FGF2: variants seen among roughly 807,000 people sequenced by gnomAD.
The protein encoded by FGF2 is basic fibroblast growth factor bFGF.
In FGF2, 13 loss-of-function variants were observed where a neutral mutation model predicts 15.9. The observed-to-expected ratio is 0.82, with a 90% CI of 0.53 to 1.30. The LOEUF (loss-of-function observed/expected upper bound fraction) is 1.30. FGF2 is among the 50% of genes most tolerant of loss of function. The pLI is 0.00. For synonymous variants in FGF2, 90 were observed against 78.4 expected, an observed-to-expected ratio of 1.15 and a Z score of -0.78; for missense variants, 163 against 196.9, an observed-to-expected ratio of 0.83 and a Z score of 1.03.
intron 1 of FGF2, among the ~76,000 whole-genome samples, chr4:122,830,277 A>T (rs4146526): frequency 1.3e-5 from 2 of 152,268 alleles, no homozygotes; most frequent in East Asian, 1.9e-4. Flanking sequence ...GATATAAATG[A>T]TGGGGTCCTG....
In FGF2 at chr4:122,833,544, C is replaced by T. The variant is rs546052862; in HGVS notation, c.178+6192C>T. On this transcript the variant is annotated intron_variant, in intron 1 of 2. Transcript: ENST00000644866. ...GGCTGCATTCTGTGAACAGATTATT[C>T]TCTGTTCATAATTTAGGCACCTTAA... 3.9e-5 allele frequency among the ~76,000 whole-genome samples: 6 copies of T among 152,228 alleles called. No homozygotes were observed. In the East Asian group the frequency reaches 1.2e-3, roughly 29 times the overall value.
intron 2 of FGF2, among the ~76,000 whole-genome samples, chr4:122,880,975 A>G (rs903015093): frequency 6.6e-6 from 1 of 152,320 alleles, no homozygotes; most frequent in Non-Finnish European, 1.5e-5. Flanking sequence ...CTAAACCTCA[A>G]TTCTTGACTT....
intron 2 of FGF2, among the ~76,000 whole-genome samples, chr4:122,891,436 T>C (rs1195098567): frequency 6.6e-6 from 1 of 151,750 alleles, no homozygotes; most frequent in East Asian, 1.9e-4. Flanking sequence ...TTTTTTTTTT[T>C]TTTTGATAAA....
upstream of FGF2, chr4:122,826,795 G>GAGATGTAGA (rs749761153): frequency 2.1e-6 from 3 of 1,417,520 alleles, no homozygotes; most frequent in Middle Eastern, 2.3e-4. Flanking sequence ...GTGGGGGGTG[G>GAGATGTAGA]AGATGTAGAA....
intron 1 of FGF2, among the ~76,000 whole-genome samples, chr4:122,873,997 A>T (rs1345288585): frequency 6.6e-6 from 1 of 152,220 alleles, no homozygotes; most frequent in Non-Finnish European, 1.5e-5. Context: ...CTGGCCATAC[A>T]CGAATATCCC....
At chr4:122,846,864 C>G (rs552420044) in intron 1 of FGF2, among the ~76,000 whole-genome samples, 1 of 152,262 alleles carries the variant, frequency 6.6e-6, no homozygotes, top group African/African-American at 2.4e-5. Context: ...AGGATAGCAG[C>G]CAGAAGAAGT....
At chr4:122,891,092 G>A (rs945509299) in intron 2 of FGF2, among the ~76,000 whole-genome samples, 8 of 147,526 alleles carry the variant, frequency 5.4e-5, no homozygotes, top group African/African-American at 2.0e-4. Context: ...CCAGGTTGGA[G>A]TGCAGTGGCG....
At chr4:122,849,355 AAAACC>A (rs1726180158) in intron 1 of FGF2, among the ~76,000 whole-genome samples, 1 of 152,218 alleles carries the variant, frequency 6.6e-6, no homozygotes, top group South Asian at 2.1e-4. Context: ...ACAAGAACAG[AAAACC>A]AAACACCACA....
At chr4:122,848,899 A>G (rs1726170033) in intron 1 of FGF2, among the ~76,000 whole-genome samples, 1 of 152,172 alleles carries the variant, frequency 6.6e-6, no homozygotes, top group Admixed American at 6.5e-5. Context: ...ACTTTTTAGA[A>G]TACATCACTG....
At chr4:122,839,653 G>A (rs1725936838) in intron 1 of FGF2, among the ~76,000 whole-genome samples, 2 of 152,020 alleles carry the variant, frequency 1.3e-5, no homozygotes, top group Admixed American at 1.3e-4. Context: ...CTACTATGTC[G>A]TTTTCCCCAC....
At chr4:122,878,688 A>G (rs1304449403) in intron 2 of FGF2, among the ~76,000 whole-genome samples, 1 of 152,164 alleles carries the variant, frequency 6.6e-6, no homozygotes, top group Non-Finnish European at 1.5e-5. Context: ...ACTGGTGGAG[A>G]GAGATCAGTT....
chr4:122,889,931 A>G (rs1727134382), intron 2 of FGF2: 1 of 152,332 alleles, frequency 6.6e-6, no homozygotes, highest in East Asian at 1.9e-4. Context: ...TAGAACACCA[A>G]CAAATGAACA....
chr4:122,852,178 G>C (rs1210649461), intron 1 of FGF2, among the ~76,000 whole-genome samples: 1 of 152,178 alleles, frequency 6.6e-6, no homozygotes, highest in Non-Finnish European at 1.5e-5. Flanking sequence ...GTTGGCCTGG[G>C]TGCAACTGCA....
intron 1 of FGF2, among the ~76,000 whole-genome samples, chr4:122,866,966 A>G (rs1418775765): frequency 2.0e-5 from 3 of 152,242 alleles, no homozygotes; most frequent in Non-Finnish European, 4.4e-5. Context: ...ATCAAAGTCT[A>G]GCTATACAAT....
chr4:122,834,131 T>G (rs1260140351), intron 1 of FGF2, among the ~76,000 whole-genome samples: 2 of 152,162 alleles, frequency 1.3e-5, no homozygotes, highest in African/African-American at 4.8e-5. Flanking sequence ...GGGGTTCATA[T>G]TAACAGGCCC....
At chr4:122,888,843 A>G (rs559369866) in intron 2 of FGF2, 2 of 152,316 alleles carry the variant, frequency 1.3e-5, no homozygotes, top group East Asian at 3.9e-4. Context: ...CTAACATAGA[A>G]TATAATTTAT....
intron 1 of FGF2, among the ~76,000 whole-genome samples, chr4:122,860,926 T>C (rs1042609547): frequency 6.6e-6 from 1 of 152,234 alleles, no homozygotes; most frequent in African/African-American, 2.4e-5. Context: ...TCCCTTGATT[T>C]TTTAATGGAG....
chr4:122,845,155 C>T (rs1403023396), intron 1 of FGF2, among the ~76,000 whole-genome samples: 1 of 152,164 alleles, frequency 6.6e-6, no homozygotes, highest in Non-Finnish European at 1.5e-5. Context: ...ATGTTGCTAG[C>T]CAACAGTATT....
chr4:122,866,392 T>A (rs62322220), intron 1 of FGF2, among the ~76,000 whole-genome samples: 47,200 of 150,550 alleles, frequency 0.31, 7,681 homozygotes, highest in South Asian at 0.46. Context: ...TAAATAAAAG[T>A]AAGTGAAAAG....
Sources: gnomAD v4.1 joint callset for allele counts (sites outside exome capture counted in the v4.1 genomes callset) on GRCh38, gnomAD v4.1.1 for gene constraint, MANE v1.5 for transcripts, NCBI Gene and HGNC (gene_info 2026-07-23, HGNC 2026-07-21) for gene names.